Variants in LARGE1 observed in about 807,000 individuals in gnomAD.
The protein encoded by LARGE1 is LARGE xylosyl- and glucuronyltransferase 1.
LARGE1 carries 43 observed loss-of-function variants against 87.6 expected under a neutral mutation model. That is an observed-to-expected ratio of 0.49 (90% confidence interval 0.38 to 0.63). The LOEUF (loss-of-function observed/expected upper bound fraction) is 0.63. Ranked by LOEUF, LARGE1 falls within the 30% of genes least tolerant of loss-of-function variation. LARGE1 has a pLI of 0.00. For synonymous variants in LARGE1, 434 were observed against 394.6 expected (o/e 1.10, Z -1.18); for missense variants, 802 against 1,000.2 (o/e 0.80, Z 2.67).
intron 4 of LARGE1, among the ~76,000 whole-genome samples, chr22:33,608,415 G>C (rs2079328043): frequency 6.6e-6 from 1 of 152,002 alleles, no homozygotes; most frequent in Admixed American, 6.6e-5. Flanking sequence ...ATCTCCTCCT[G>C]GAAATCTTCT....
chr22:33,427,856 G>T (rs537410440), intron 7 of LARGE1, among the ~76,000 whole-genome samples: 15 of 152,218 alleles, frequency 9.9e-5, no homozygotes, highest in Non-Finnish European at 1.9e-4. Flanking sequence ...AAAAGGCACA[G>T]AACTCAAAAG....
At chr22:33,387,270 CA>C (rs1342609164) in intron 7 of LARGE1, among the ~76,000 whole-genome samples, 7 of 126,206 alleles carry the variant, frequency 5.5e-5, no homozygotes, top group Non-Finnish European at 1.1e-4. Flanking sequence ...ACTAAAAATA[CA>C]AAAAAACTAG....
At chr22:33,679,816 T>G (rs1410232569) in intron 2 of LARGE1, among the ~76,000 whole-genome samples, 1 of 152,162 alleles carries the variant, frequency 6.6e-6, no homozygotes, top group African/African-American at 2.4e-5. Flanking sequence ...CACTCCAGCC[T>G]GGGCAACAAG....
chr22:33,344,423 C>G (rs1223097837), intron 9 of LARGE1, among the ~76,000 whole-genome samples: 1 of 152,084 alleles, frequency 6.6e-6, no homozygotes, highest in African/African-American at 2.4e-5. Context: ...TTTTAAACTA[C>G]AAGTATGATA....
At chr22:33,126,316 C>T in the LARGE1 span, among the ~76,000 whole-genome samples, 1 of 152,082 alleles carries the variant, frequency 6.6e-6, no homozygotes, top group Non-Finnish European at 1.5e-5. Context: ...ACATTCAAAC[C>T]AAAGCTGGAG....
intron 6 of LARGE1, among the ~76,000 whole-genome samples, chr22:33,519,227 T>TGCGCGC (rs1555943708): frequency 5.9e-4 from 80 of 136,328 alleles, no homozygotes; most frequent in African/African-American, 1.9e-3. Context: ...GCTGCGTGCG[T>TGCGCGC]GCGCGCGCGT....
chr22:33,665,899 A>T (rs2149248112), intron 2 of LARGE1, among the ~76,000 whole-genome samples: 1 of 580 alleles, frequency 1.7e-3, no homozygotes, highest in African/African-American at 6.8e-3. Flanking sequence ...CTCAAGAAAA[A>T]AGAAAAAAAA....
In LARGE1 at chr22:33,581,150, G is replaced by GTGTAAA. The variant is rs34502325; in HGVS notation, c.616-16132_616-16131insTTTACA. ...CTCTATTTTACACATAGGAAACTAAGACTTAGAAACATCATTGTCTCAAAT... is the reference window on the plus strand; with the variant it reads ...CTCTATTTTACACATAGGAAACTAAGTGTAAAACTTAGAAACATCATTGTCTCAAAT... On this transcript the variant is annotated intron_variant, in intron 5 of 14. Transcript: ENST00000397394. 2.0e-5 allele frequency among the ~76,000 whole-genome samples: 3 copies of GTGTAAA among 152,168 alleles called. No individual in the cohort carries two copies. The South Asian group carries it at 6.2e-4, about 32-fold the overall frequency.
chr22:33,832,605 C>T (rs1193733167), intron 1 of LARGE1, among the ~76,000 whole-genome samples: 2 of 152,182 alleles, frequency 1.3e-5, no homozygotes, highest in African/African-American at 4.8e-5. Context: ...GATGCGGCAA[C>T]CCCAGAGGGC....
At position 33,226,658 on chromosome 22, in the gene LARGE1, G is replaced by A. The variant is rs1231023176; in HGVS notation, c.1731-59826C>T. 7.2e-5 allele frequency among the ~76,000 whole-genome samples: 11 copies of A among 152,160 alleles called. No individual in the cohort carries two copies. The East Asian group carries it at 2.1e-3, about 29-fold the overall frequency. The stretch of plus-strand genomic sequence containing the variant: ...GAAGCAACAAAATAAAAAACTTAAC[G>A]AAAACATCTCACTAGAGATGCACCC... On this transcript the variant is annotated intron_variant, in intron 11 of 11. Coordinates refer to the LARGE1 transcript ENST00000608642.
At chr22:33,796,224 G>A (rs2085976195) in intron 1 of LARGE1, among the ~76,000 whole-genome samples, 1 of 152,104 alleles carries the variant, frequency 6.6e-6, no homozygotes, top group African/African-American at 2.4e-5. Flanking sequence ...GTATTACTCG[G>A]GTATACATCC....
chr22:33,367,621 C>T (rs2064643998), intron 9 of LARGE1, among the ~76,000 whole-genome samples: 1 of 152,010 alleles, frequency 6.6e-6, no homozygotes, highest in African/African-American at 2.4e-5. Context: ...AGATGGAGGT[C>T]TTGCTTTGTT....
intron 1 of LARGE1, among the ~76,000 whole-genome samples, chr22:33,777,282 C>T (rs186119785): frequency 2.4e-4 from 37 of 152,224 alleles, no homozygotes; most frequent in African/African-American, 7.5e-4. Flanking sequence ...ATCTGAACTT[C>T]CTTCCACAGT....
At chr22:33,866,421 T>C (rs943319857) in intron 1 of LARGE1, among the ~76,000 whole-genome samples, 1 of 152,190 alleles carries the variant, frequency 6.6e-6, no homozygotes, top group Non-Finnish European at 1.5e-5. Flanking sequence ...TAACTACCCA[T>C]GTCTAGCGGT....
chr22:33,423,665 G>A (rs1266278738), intron 7 of LARGE1, among the ~76,000 whole-genome samples: 1 of 132,312 alleles, frequency 7.6e-6, no homozygotes, highest in African/African-American at 3.0e-5. Flanking sequence ...GGGCTCTGCT[G>A]TGAGATTCTG....
chr22:33,596,052 T>C (rs975989093), intron 5 of LARGE1, among the ~76,000 whole-genome samples: 1 of 152,200 alleles, frequency 6.6e-6, no homozygotes. Flanking sequence ...TTAATGACCA[T>C]TTGTATAGAA....
intron 14 of LARGE1, among the ~76,000 whole-genome samples, chr22:33,275,128 G>C (rs968719617): frequency 6.6e-6 from 1 of 152,128 alleles, no homozygotes; most frequent in African/African-American, 2.4e-5. Context: ...GAGACCAGAT[G>C]AAATAAAAAC....
At chr22:33,921,262 G>A (rs1200805297), upstream of LARGE1, among the ~76,000 whole-genome samples, 2 of 152,176 alleles carry the variant, frequency 1.3e-5, no homozygotes, top group Non-Finnish European at 2.9e-5. The surrounding 1 kb of genome is among the most constrained non-coding windows in gnomAD (Gnocchi z 4.1). Context: ...CCCGGAGCCG[G>A]GATCCCGGGC....
At chr22:33,682,426 G>T (rs1022052557) in intron 2 of LARGE1, among the ~76,000 whole-genome samples, 2 of 152,084 alleles carry the variant, frequency 1.3e-5, no homozygotes. Context: ...GACACCCCAG[G>T]CTGTTCCCTG....
Sources: gnomAD v4.1 joint callset for allele counts (sites outside exome capture counted in the v4.1 genomes callset) on GRCh38, gnomAD v4.1.1 for gene constraint, Gnocchi (gnomAD v3.1) non-coding constraint, MANE v1.5 for transcripts, NCBI Gene and HGNC (gene_info 2026-07-23, HGNC 2026-07-21) for gene names.